WDR20: variants seen among roughly 807,000 people sequenced by gnomAD.
The protein encoded by WDR20 is WD repeat-containing protein 20.
A neutral mutation model predicts 38.7 loss-of-function variants in WDR20; 3 were observed. The ratio of observed to expected loss-of-function variants is 0.08; its 90% CI spans 0.04 to 0.20. The LOEUF is 0.20. WDR20 is among the 10% of genes least tolerant of loss of function. The probability of loss-of-function intolerance (pLI) is 1.00; values close to 1 mark genes in which losing one functional copy is unlikely to be tolerated. For missense variants in WDR20, 559 were observed against 727.7 expected (o/e 0.77, Z 2.67); for synonymous variants, 298 against 285.6 (o/e 1.04, Z -0.44).
chr14:102,163,510 C>G (rs1041187575), intron 1 of WDR20, among the ~76,000 whole-genome samples: 8 of 151,396 alleles, frequency 5.3e-5, no homozygotes, highest in Non-Finnish European at 4.4e-5. Flanking sequence ...TGCCTGTAAT[C>G]CCGGCTACCC....
At position 102,222,094 on chromosome 14, in the gene WDR20, G is replaced by A. The variant is rs1206558143; in HGVS notation, c.1693-736G>A. ...AATCTGGGTGAGATTCCCCGCCCCCGCCCCCGACAGTGAGCCTCTCAGCAG... is the reference window on the plus strand; with the variant it reads ...AATCTGGGTGAGATTCCCCGCCCCCACCCCCGACAGTGAGCCTCTCAGCAG... On this transcript the variant is annotated intron_variant, in intron 3 of 3. Coordinates refer to the WDR20 transcript ENST00000335263. This position sits in a 1 kb window ranked among gnomAD's most constrained non-coding sequence, Gnocchi z 4.4. 5.6e-5 allele frequency among the ~76,000 whole-genome samples: 6 copies of A among 106,230 alleles called. No individual in the cohort carries two copies. Among genetic ancestry groups the A allele is most frequent in the South Asian group, 3.2e-4 (1 of 3,136 alleles). 69.7% of individuals were successfully genotyped at this position (106,230 alleles called of 152,430 possible). A position where few individuals can be genotyped will look rare whatever the true frequency, so the allele number is the denominator to read the frequency against.
chr14:102,164,727 A>C (rs2059420717), intron 1 of WDR20, among the ~76,000 whole-genome samples: 1 of 152,182 alleles, frequency 6.6e-6, no homozygotes, highest in African/African-American at 2.4e-5. Flanking sequence ...TGACCCACTC[A>C]GTACTTCACC....
At chr14:102,204,078 C>T (rs749521935) in intron 2 of WDR20, among the ~76,000 whole-genome samples, 60 of 152,226 alleles carry the variant, frequency 3.9e-4, no homozygotes, top group Middle Eastern at 6.8e-3. Flanking sequence ...GTGCCCTGTT[C>T]CTTAGAACGC....
chr14:102,149,935 C>T (rs1161080613), intron 1 of WDR20, among the ~76,000 whole-genome samples: 2 of 152,188 alleles, frequency 1.3e-5, no homozygotes, highest in Non-Finnish European at 2.9e-5. Flanking sequence ...CCTCGTGATC[C>T]ACCCGCCTTG....
chr14:102,199,231 C>T (rs1209671408), intron 2 of WDR20, among the ~76,000 whole-genome samples: 4 of 151,610 alleles, frequency 2.6e-5, no homozygotes, highest in Non-Finnish European at 2.9e-5. Flanking sequence ...TACCTCTCCT[C>T]GGTTGGAAAA....
intron 1 of WDR20, among the ~76,000 whole-genome samples, chr14:102,161,451 C>CT (rs2058733399): frequency 6.6e-6 from 1 of 151,538 alleles, no homozygotes; most frequent in African/African-American, 2.4e-5. Context: ...GTAGCTGGGA[C>CT]TACAGGCTCG....
chr14:102,219,223 T>C (rs2063599194), downstream of WDR20, among the ~76,000 whole-genome samples: 1 of 152,244 alleles, frequency 6.6e-6, no homozygotes, highest in Non-Finnish European at 1.5e-5. Context: ...AGGTGACTTT[T>C]TTCATTTGAT....
chr14:102,148,412 C>A (rs188286220), intron 1 of WDR20, among the ~76,000 whole-genome samples: 2 of 151,760 alleles, frequency 1.3e-5, no homozygotes, highest in East Asian at 3.9e-4. Context: ...TGGTGGTGCA[C>A]GCCTGTGGCC....
chr14:102,216,159 G>GCCT (rs1420967192), downstream of WDR20, among the ~76,000 whole-genome samples: 1 of 152,200 alleles, frequency 6.6e-6, no homozygotes, highest in Admixed American at 6.5e-5. Flanking sequence ...GGTCAGCAGA[G>GCCT]CCTCCAGTGC....
At chr14:102,171,072 C>T (rs1315913266) in intron 1 of WDR20, among the ~76,000 whole-genome samples, 1 of 152,074 alleles carries the variant, frequency 6.6e-6, no homozygotes, top group Non-Finnish European at 1.5e-5. Flanking sequence ...CTGTCTCAGG[C>T]TCCTGAGTAG....
In WDR20 at chr14:102,208,561, G is replaced by A. The variant is rs2061983077; in HGVS notation, c.433-42G>A. On this transcript the variant is annotated intron_variant, in intron 2 of 2. Transcript: ENST00000342702. The surrounding 1 kb of genome is among the most constrained non-coding windows in gnomAD (Gnocchi z 5.6). ...TCTTGCTGGAAAAGTAGACCTTTGA[G>A]ACTTCTCCGTTGTGCTAACTTGTTC... 6.5e-7 allele frequency: 1 copy of A among 1,542,928 alleles called. No individual in the cohort carries two copies. The highest frequency in any genetic ancestry group is 8.7e-7 in the Non-Finnish European group (1 of 1,143,592).
At chr14:102,150,978 C>T (rs1486794316) in intron 1 of WDR20, among the ~76,000 whole-genome samples, 1 of 152,150 alleles carries the variant, frequency 6.6e-6, no homozygotes, top group Non-Finnish European at 1.5e-5. Flanking sequence ...AAGACATAGT[C>T]CCTGGCCCAA....
Position 102,209,211 on chromosome 14 carries a change from T to C in WDR20, c.1041T>C (p.Ser347=), listed in dbSNP as rs2153020176. Residue 347 remains serine, a synonymous_variant, in exon 3 of 3, where the codon AGT becomes AGC. Transcript: ENST00000342702. The surrounding 1 kb of genome is among the most constrained non-coding windows in gnomAD (Gnocchi z 6.0). ...ATTTTGGCAGAGATCGAGCAAATAGTACACAGTCCAGGCTCTCCAAACGGA... is the reference window on the plus strand; with the variant it reads ...ATTTTGGCAGAGATCGAGCAAATAGCACACAGTCCAGGCTCTCCAAACGGA... The part of the protein sequence containing the change: ...LLHFGRDRAN[S]TQSRLSKRNS... 6.2e-7 allele frequency: 1 copy of C among 1,614,122 alleles called. No individual in the cohort carries two copies. Among genetic ancestry groups the C allele is most frequent in the East Asian group, 2.2e-5 (1 of 44,880 alleles).
chr14:102,139,530 C>G, upstream of WDR20: 1 of 994,926 alleles, frequency 1.0e-6, no homozygotes, highest in Non-Finnish European at 1.4e-6. Context: ...TGAGGAGGCA[C>G]CCTCAAGTTC....
At chr14:102,216,100 G>A (rs899471651), downstream of WDR20, among the ~76,000 whole-genome samples, 4 of 152,156 alleles carry the variant, frequency 2.6e-5, no homozygotes, top group Admixed American at 6.5e-5. Context: ...CACGTTCATC[G>A]GGTGGGGAAC....
At position 102,209,259 on chromosome 14, in the gene WDR20, A is replaced by G. The variant is rs969579237; in HGVS notation, c.1089A>G (p.Val363=). The change falls in exon 3 of 3, where the codon GTA becomes GTG. Residue 363 remains valine (V), a synonymous_variant. Transcript: ENST00000342702. The surrounding 1 kb of genome is among the most constrained non-coding windows in gnomAD (Gnocchi z 6.0). ...GGAACTCTACAGACAGCCGCCCCGT[A>G]AGTGTCACGTATCGGTTTGGTTCCG... ...SKRNSTDSRP[V]SVTYRFGSVG... is the part of the protein sequence containing the mutation. 10 of 1,614,070 alleles carry G rather than the reference A, an allele frequency of 6.2e-6. No homozygotes were observed. The highest frequency in any genetic ancestry group is 2.2e-5 in the East Asian group (1 of 44,900).
At chr14:102,163,345 T>A (rs1003464511) in intron 1 of WDR20, among the ~76,000 whole-genome samples, 9 of 152,182 alleles carry the variant, frequency 5.9e-5, no homozygotes, top group African/African-American at 2.2e-4. Context: ...TTACTCAGTC[T>A]GGCCAGGTGC....
Position 102,209,032 on chromosome 14 carries a change from G to A in WDR20, c.862G>A (p.Val288Ile), listed in dbSNP as rs754399538. ...AGGTGGGGAGGACGACTTGGTGACA[G>A]TCTGGTCCTTTGTAGACTGCCGAGT... ...VTGGEDDLVT[V>I]WSFVDCRVIA... The change falls in exon 3 of 3, where the codon GTC (valine) becomes ATC (isoleucine). Residue 288 changes from valine (V) to isoleucine (I), a missense_variant. Coordinates refer to ENST00000342702, the MANE Select transcript of WDR20 (RefSeq NM_144574.4). This position sits in a 1 kb window ranked among gnomAD's most constrained non-coding sequence, Gnocchi z 6.0. 2.5e-6 allele frequency: 4 copies of A among 1,614,216 alleles called. No individual in the cohort carries two copies. Among genetic ancestry groups the A allele is most frequent in the Non-Finnish European group, 2.5e-6 (3 of 1,180,034 alleles).
At position 102,221,186 on chromosome 14, in the gene WDR20, ACT is replaced by A. The variant is rs983384744; in HGVS notation, c.1693-1641_1693-1640del. The stretch of plus-strand genomic sequence containing the variant: ...TGGCACTCCGTGAAAGGGGAGGGAG[ACT>A]CTGTGGCTGCCAGATGAGGGTGGCC... On this transcript the variant is annotated intron_variant, in intron 3 of 3. Transcript: ENST00000335263. The surrounding 1 kb of genome is among the most constrained non-coding windows in gnomAD (Gnocchi z 4.8). Among the ~76,000 whole-genome samples the A allele has an allele frequency of 6.6e-6, 1 of 151,566 alleles. No individual in the cohort carries two copies. The highest frequency in any genetic ancestry group is 2.4e-5 in the African/African-American group (1 of 41,182).
Sources: gnomAD v4.1 joint callset for allele counts (sites outside exome capture counted in the v4.1 genomes callset) on GRCh38, gnomAD v4.1.1 for gene constraint, Gnocchi (gnomAD v3.1) non-coding constraint, MANE v1.5 for transcripts, NCBI Gene and HGNC (gene_info 2026-07-23, HGNC 2026-07-21) for gene names.